The following ITPR1 variants were observed in gnomAD, a reference collection of about 807,000 sequenced individuals.
ITPR1 encodes the protein inositol 1,4,5-trisphosphate-gated calcium channel ITPR1.
A neutral mutation model predicts 318.4 loss-of-function variants in ITPR1; 96 were observed. The observed-to-expected ratio is 0.30, with a 90% CI of 0.26 to 0.36. The LOEUF (loss-of-function observed/expected upper bound fraction) is 0.36, where lower values mean the gene tolerates loss of function less well. Among genes scored for constraint, ITPR1 ranks in the 10% least tolerant of loss-of-function variants. The pLI, the probability that ITPR1 is intolerant of heterozygous loss-of-function variation, is 1.00. For missense variants in ITPR1, 2,440 were observed against 3,460.2 expected, an observed-to-expected ratio of 0.71 and a Z score of 7.40; for synonymous variants, 1,312 against 1,289.9, an observed-to-expected ratio of 1.02 and a Z score of -0.37.
At chr3:4,734,695 A>AAACATTT (rs2043155034) in intron 43 of ITPR1, among the ~76,000 whole-genome samples, 4 of 152,266 alleles carry the variant, frequency 2.6e-5, no homozygotes, top group African/African-American at 9.6e-5. Flanking sequence ...ATGAATAAAC[A>AAACATTT]GATAAATTAT....
chr3:4,651,829 A>C (rs1254883463), intron 10 of ITPR1, among the ~76,000 whole-genome samples: 2 of 152,194 alleles, frequency 1.3e-5, no homozygotes, highest in Non-Finnish European at 2.9e-5. Flanking sequence ...TGGTAGGTAA[A>C]TTTCAGAATC....
chr3:4,735,634 C>G (rs1378681913), intron 44 of ITPR1: 1 of 414,678 alleles, frequency 2.4e-6, no homozygotes, highest in African/African-American at 2.0e-5. Flanking sequence ...ATAGTGGGCA[C>G]TCCATAAATG....
chr3:4,644,552 T>C (rs910515238), intron 8 of ITPR1, among the ~76,000 whole-genome samples: 2 of 152,198 alleles, frequency 1.3e-5, no homozygotes, highest in Non-Finnish European at 2.9e-5. Flanking sequence ...AGGAGCACCT[T>C]TTTCTAATTT....
At chr3:4,562,231 C>T (rs2086754228) in intron 4 of ITPR1, among the ~76,000 whole-genome samples, 2 of 152,278 alleles carry the variant, frequency 1.3e-5, no homozygotes, top group South Asian at 2.1e-4. Flanking sequence ...AATTTAGATA[C>T]AGCTCATCAA....
chr3:4,784,726 C>CAAAAAAAAAAA, intron 51 of ITPR1, among the ~76,000 whole-genome samples: 1 of 109,482 alleles, frequency 9.1e-6, no homozygotes, highest in African/African-American at 3.5e-5. Context: ...ACTAAAAATA[C>CAAAAAAAAAAA]AAAAAAAAAA....
intron 3 of ITPR1, among the ~76,000 whole-genome samples, chr3:4,519,601 G>A (rs1359828502): frequency 3.3e-5 from 5 of 152,072 alleles, no homozygotes; most frequent in African/African-American, 1.2e-4. Context: ...TAGCTCTGGG[G>A]GCATTACTAT....
At chr3:4,627,726 C>A in intron 4 of ITPR1, 37 bp from the exon 5 acceptor site, 1 of 1,339,814 alleles carries the variant, frequency 7.5e-7, no homozygotes, top group Non-Finnish European at 1.1e-6. Flanking sequence ...TCTATACACC[C>A]TCAATGGCAA....
chr3:4,552,503 G>T (rs1375654787), intron 4 of ITPR1, among the ~76,000 whole-genome samples: 2 of 152,170 alleles, frequency 1.3e-5, no homozygotes, highest in African/African-American at 4.8e-5. Context: ...AGATACACAG[G>T]GTGAGGTCTG....
chr3:4,727,511 T>A (rs1049513285), intron 42 of ITPR1, among the ~76,000 whole-genome samples: 28 of 152,304 alleles, frequency 1.8e-4, no homozygotes, highest in Middle Eastern at 3.4e-3. Flanking sequence ...TTTATAATTT[T>A]AAAAAAATGG....
At chr3:4,532,655 G>A (rs111925922) in intron 4 of ITPR1, among the ~76,000 whole-genome samples, 1,674 of 151,906 alleles carry the variant, frequency 0.011, 35 homozygotes, top group African/African-American at 0.039. Flanking sequence ...ACAGGCATGA[G>A]CCACGGCACC....
At chr3:4,605,007 T>C (rs891740251) in intron 4 of ITPR1, among the ~76,000 whole-genome samples, 1 of 152,060 alleles carries the variant, frequency 6.6e-6, no homozygotes, top group African/African-American at 2.4e-5. Context: ...AGTCTTGTTC[T>C]GTCGCCTAGG....
intron 4 of ITPR1, among the ~76,000 whole-genome samples, chr3:4,560,637 C>T (rs2086581414): frequency 6.6e-6 from 1 of 151,968 alleles, no homozygotes; most frequent in East Asian, 1.9e-4. Flanking sequence ...CTTTTTCTTT[C>T]AAGGAGAAAG....
intron 40 of ITPR1, among the ~76,000 whole-genome samples, chr3:4,722,101 C>T (rs867106934): frequency 6.6e-6 from 1 of 152,154 alleles, no homozygotes; most frequent in Non-Finnish European, 1.5e-5. Context: ...CCAGGAAGGA[C>T]ACTTAAGATT....
chr3:4,499,504 T>C (rs1274721896), intron 2 of ITPR1, among the ~76,000 whole-genome samples: 1 of 152,126 alleles, frequency 6.6e-6, no homozygotes, highest in African/African-American at 2.4e-5. Flanking sequence ...TATAAATAGA[T>C]ATTTGTAAAA....
intron 44 of ITPR1, among the ~76,000 whole-genome samples, chr3:4,740,441 G>T (rs915798118): frequency 1.3e-5 from 2 of 152,198 alleles, no homozygotes; most frequent in African/African-American, 2.4e-5. Context: ...AGATTTCATT[G>T]TCCAGACCCT....
At chr3:4,663,033 C>G (rs745631450) in intron 15 of ITPR1, 32 bp from the exon 16 acceptor site, 27 of 1,608,910 alleles carry the variant, frequency 1.7e-5, no homozygotes, top group Middle Eastern at 1.7e-4. Flanking sequence ...ACACTGAACA[C>G]ATCTGTCTCT....
chr3:4,671,439 G>A (rs2094079900), intron 20 of ITPR1: 1 of 152,292 alleles, frequency 6.6e-6, no homozygotes, highest in South Asian at 2.1e-4. Context: ...TAAAAAGCAT[G>A]TACTTACACT....
At chr3:4,630,594 T>TATTATTATC (rs1553656190) in intron 5 of ITPR1, among the ~76,000 whole-genome samples, 2 of 148,746 alleles carry the variant, frequency 1.3e-5, no homozygotes, top group African/African-American at 4.9e-5. Context: ...TTATTATTAT[T>TATTATTATC]ATTATTTTTA....
chr3:4,522,222 T>C (rs575208377), intron 4 of ITPR1, among the ~76,000 whole-genome samples: 20 of 152,136 alleles, frequency 1.3e-4, no homozygotes, highest in Non-Finnish European at 2.2e-4. Flanking sequence ...ACCTCTGGAA[T>C]TGGGGATGAT....
Sources: allele counts gnomAD v4.1 joint callset (sites outside exome capture counted in the v4.1 genomes callset), GRCh38; gene constraint gnomAD v4.1.1; transcripts MANE v1.5; gene names NCBI Gene and HGNC (gene_info 2026-07-23, HGNC 2026-07-21).